The following CRPPA variants were observed in gnomAD, a reference collection of about 807,000 sequenced individuals.
CRPPA encodes D-ribitol-5-phosphate cytidylyltransferase.
Under a neutral mutation model 52.0 loss-of-function variants are expected in CRPPA, and 43 were observed. The observed-to-expected ratio is 0.83, with a 90% CI of 0.65 to 1.07. The LOEUF (loss-of-function observed/expected upper bound fraction) is 1.07. Ranked by LOEUF, CRPPA falls within the 50% of genes least tolerant of loss-of-function variation. The probability of loss-of-function intolerance (pLI) is 0.00; values close to 1 mark genes in which losing one functional copy is unlikely to be tolerated. For missense variants in CRPPA, 629 were observed against 551.7 expected, an observed-to-expected ratio of 1.14 and a Z score of -1.40; for synonymous variants, 250 against 203.5, an observed-to-expected ratio of 1.23 and a Z score of -1.94.
intron 9 of CRPPA, among the ~76,000 whole-genome samples, chr7:16,143,445 G>T (rs1172538848): frequency 6.6e-6 from 1 of 152,174 alleles, no homozygotes. Context: ...GGGTAAGTAG[G>T]ATAATAAGTA....
chr7:16,296,796 C>A (rs530219602), intron 5 of CRPPA, among the ~76,000 whole-genome samples: 21 of 152,286 alleles, frequency 1.4e-4, no homozygotes, highest in Admixed American at 1.3e-3. Context: ...GTCTAGAAAT[C>A]TGTCATTACA....
intron 2 of CRPPA, among the ~76,000 whole-genome samples, chr7:16,378,513 T>A (rs1294911955): frequency 6.6e-6 from 1 of 151,970 alleles, no homozygotes; most frequent in Non-Finnish European, 1.5e-5. Flanking sequence ...TCTATCATTG[T>A]TGGACATTTG....
chr7:16,356,279 C>A (rs544570172), intron 3 of CRPPA, among the ~76,000 whole-genome samples: 1 of 152,334 alleles, frequency 6.6e-6, no homozygotes, highest in South Asian at 2.1e-4. Flanking sequence ...GAAGGTACTA[C>A]CTTCTTTCTT....
chr7:16,309,736 G>T (rs1454307442), intron 3 of CRPPA, among the ~76,000 whole-genome samples: 1 of 151,896 alleles, frequency 6.6e-6, no homozygotes, highest in Non-Finnish European at 1.5e-5. Context: ...ATATGAATAT[G>T]GCATCAAGCA....
intron 4 of CRPPA, among the ~76,000 whole-genome samples, chr7:16,302,087 G>A (rs972997525): frequency 6.6e-6 from 1 of 152,064 alleles, no homozygotes; most frequent in African/African-American, 2.4e-5. Flanking sequence ...ACGAGGTCAG[G>A]AGATCGAGAC....
intron 1 of CRPPA, among the ~76,000 whole-genome samples, chr7:16,408,782 C>A (rs1052903715): frequency 6.6e-6 from 1 of 152,048 alleles, no homozygotes; most frequent in Admixed American, 6.5e-5. Context: ...GTGGATCCAA[C>A]GTAATCACAA....
chr7:16,193,858 C>G (rs1018551542), intron 9 of CRPPA, among the ~76,000 whole-genome samples: 4 of 152,058 alleles, frequency 2.6e-5, no homozygotes, highest in Admixed American at 2.6e-4. Flanking sequence ...GGTATTGTTT[C>G]CTTTACTTAG....
intron 9 of CRPPA, among the ~76,000 whole-genome samples, chr7:16,192,260 T>C (rs1285107704): frequency 6.6e-6 from 1 of 152,068 alleles, no homozygotes; most frequent in East Asian, 1.9e-4. Flanking sequence ...AGTTCACCCC[T>C]TAAGAATATA....
In CRPPA at chr7:16,170,560, C is replaced by T. The variant is rs555229083; in HGVS notation, c.1251+45506G>A. Among the ~76,000 whole-genome samples the T allele has an allele frequency of 7.0e-4, 106 of 152,310 alleles. 2 individuals carry two copies. The highest frequency in any genetic ancestry group is 1.3e-3 in the Non-Finnish European group (87 of 68,040). ...CAGCAGCAAGATTTATTGCAAAGAG[C>T]GAAAGAACAAACCTTTCACAGTGTG... On this transcript the variant is annotated intron_variant, in intron 9 of 9. Transcript: ENST00000407010.
At chr7:16,342,774 A>ATATATATAT (rs1342441804) in intron 3 of CRPPA, among the ~76,000 whole-genome samples, 1 of 51,864 alleles carries the variant, frequency 1.9e-5, no homozygotes, top group African/African-American at 7.7e-5. Context: ...AAAAAAAAAA[A>ATATATATAT]AAAAAAAAAT....
chr7:16,224,402 C>G (rs78251392), intron 8 of CRPPA, among the ~76,000 whole-genome samples: 3,734 of 152,128 alleles, frequency 0.025, 123 homozygotes, highest in African/African-American at 0.082. Context: ...AGTCTATGTT[C>G]ACAATAAAAG....
chr7:16,259,070 T>C, intron 6 of CRPPA, 58 bp from the exon 7 acceptor site: 2 of 1,229,268 alleles, frequency 1.6e-6, no homozygotes, highest in Admixed American at 2.1e-5. Context: ...ATAAACATCT[T>C]TGTTACAAAG....
At chr7:16,376,016 G>A in intron 3 of CRPPA, 76 bp downstream of exon 3, 1 of 1,420,562 alleles carries the variant, frequency 7.0e-7, no homozygotes. Flanking sequence ...CATCAGTTCT[G>A]GAAATTCTCC....
intron 8 of CRPPA, among the ~76,000 whole-genome samples, chr7:16,250,711 G>A (rs547134733): frequency 6.6e-6 from 1 of 152,294 alleles, no homozygotes; most frequent in South Asian, 2.1e-4. Context: ...CCTTACAAGA[G>A]CTCCTGAAGG....
intron 3 of CRPPA, among the ~76,000 whole-genome samples, chr7:16,315,650 AAG>A (rs369383493): frequency 8.7e-4 from 132 of 152,234 alleles, no homozygotes; most frequent in African/African-American, 3.1e-3. Context: ...CCTCCATAGG[AAG>A]CACAATAAGA....
intron 2 of CRPPA, among the ~76,000 whole-genome samples, chr7:16,396,805 G>A (rs1787586918): frequency 6.6e-6 from 1 of 152,240 alleles, no homozygotes; most frequent in Non-Finnish European, 1.5e-5. Context: ...TGTAACTAAA[G>A]ATGTGTGGCA....
At chr7:16,301,336 G>T in intron 5 of CRPPA, 85 bp downstream of exon 5, 4 of 1,078,008 alleles carry the variant, frequency 3.7e-6, no homozygotes, top group African/African-American at 1.6e-5. Flanking sequence ...TTTTGAGATT[G>T]CTGGGATTTA....
intron 6 of CRPPA, among the ~76,000 whole-genome samples, chr7:16,263,612 G>A (rs1249329621): frequency 2.6e-5 from 4 of 152,122 alleles, no homozygotes; most frequent in Admixed American, 6.6e-5. Context: ...TATTAGCTGG[G>A]CATGGTGGTG....
At chr7:16,157,346 T>C (rs1783204119) in intron 9 of CRPPA, among the ~76,000 whole-genome samples, 1 of 152,092 alleles carries the variant, frequency 6.6e-6, no homozygotes, top group Admixed American at 6.6e-5. Context: ...ATGGAAACAA[T>C]ATGATTCTGC....
Sources: allele counts gnomAD v4.1 joint callset (sites outside exome capture counted in the v4.1 genomes callset), GRCh38; gene constraint gnomAD v4.1.1; transcripts MANE v1.5; gene names NCBI Gene and HGNC (gene_info 2026-07-23, HGNC 2026-07-21).